ZNF618: variants seen among roughly 807,000 people sequenced by gnomAD.
ZNF618 encodes the protein neural precursor cell expressed, developmentally down-regulated 10.
In ZNF618, 34 loss-of-function variants were observed where a neutral mutation model predicts 103.0. The ratio of observed to expected loss-of-function variants is 0.33; its 90% CI spans 0.25 to 0.44. The LOEUF is 0.44. Among genes scored for constraint, ZNF618 ranks in the 20% least tolerant of loss-of-function variants. The probability of loss-of-function intolerance (pLI) is 1.00; values close to 1 mark genes in which losing one functional copy is unlikely to be tolerated. For synonymous variants in ZNF618, 551 were observed against 542.2 expected (o/e 1.02, Z -0.23); for missense variants, 1,059 against 1,295.4 (o/e 0.82, Z 2.80).
Position 114,051,922 on chromosome 9 carries a change from G to C in ZNF618, c.*1755G>C, listed in dbSNP as rs934205510. 3 of 152,286 alleles carry C rather than the reference G, an allele frequency of 2.0e-5. No individual in the cohort carries two copies. The highest frequency in any genetic ancestry group is 7.2e-5 in the African/African-American group (3 of 41,406). 9.4% of individuals were successfully genotyped at this position (152,286 alleles called of 1,614,324 possible). ...AAGTGCTGGTGGTCTCACTCCCCTGGTGACCCTTAGCCGTGGGATGGGGTG... is the reference window on the plus strand; with the variant it reads ...AAGTGCTGGTGGTCTCACTCCCCTGCTGACCCTTAGCCGTGGGATGGGGTG... On this transcript the variant is annotated 3_prime_UTR_variant, in exon 15 of 15. Transcript: ENST00000374126.
At chr9:113,980,270 G>C (rs57429121) in intron 2 of ZNF618, among the ~76,000 whole-genome samples, 4 of 152,228 alleles carry the variant, frequency 2.6e-5, no homozygotes, top group South Asian at 4.1e-4. Context: ...TTCCTCTCTT[G>C]GGAGAAGAGA....
chr9:113,908,463 G>T (rs7026176), intron 1 of ZNF618, among the ~76,000 whole-genome samples: 67,143 of 151,998 alleles, frequency 0.44, 15,409 homozygotes, highest in Non-Finnish European at 0.51. Flanking sequence ...GACTGCATTG[G>T]TGTAGACATG....
intron 1 of ZNF618, among the ~76,000 whole-genome samples, chr9:113,954,697 C>A (rs1836092766): frequency 6.6e-6 from 1 of 152,176 alleles, no homozygotes; most frequent in Non-Finnish European, 1.5e-5. Context: ...CAGTTCCATG[C>A]CTTCCTTTTC....
At chr9:113,967,823 G>T (rs1837557724) in intron 1 of ZNF618, among the ~76,000 whole-genome samples, 1 of 152,326 alleles carries the variant, frequency 6.6e-6, no homozygotes, top group South Asian at 2.1e-4. Flanking sequence ...GGAGGATGGA[G>T]GCTGTGGAGA....
At chr9:114,026,631 C>A (rs920342983) in intron 10 of ZNF618, among the ~76,000 whole-genome samples, 2 of 152,224 alleles carry the variant, frequency 1.3e-5, no homozygotes, top group African/African-American at 4.8e-5. Flanking sequence ...AGACTTGAGC[C>A]CTGTCTCATC....
intron 2 of ZNF618, 144 bp downstream of exon 2, chr9:113,969,304 T>TC: frequency 1.0e-6 from 1 of 996,856 alleles, no homozygotes; most frequent in Non-Finnish European, 1.6e-6. Context: ...TATCCAGACT[T>TC]CCCCAAAGAA....
rs553613500 is a variant in ZNF618, at chr9:113,985,276, C to T, written c.78-3045C>T. ...CCAACTTCCAAGTCTGGTGCTTGGCCCATTTCACTCCAGCCAGGCCATCAG... is the reference window on the plus strand; with the variant it reads ...CCAACTTCCAAGTCTGGTGCTTGGCTCATTTCACTCCAGCCAGGCCATCAG... On this transcript the variant is annotated intron_variant, in intron 2 of 14. Coordinates refer to ENST00000374126, the MANE Select transcript of ZNF618 (RefSeq NM_001318042.2). Among the ~76,000 whole-genome samples the T allele has an allele frequency of 3.3e-5, 5 of 152,318 alleles. No individual in the cohort carries two copies. The South Asian group carries it at 1.0e-3, about 32-fold the overall frequency.
chr9:114,027,332 A>G lies in ZNF618; in HGVS notation c.845-1401A>G, dbSNP rs575823655. Among the ~76,000 whole-genome samples, 146 of 152,092 alleles carry G rather than the reference A, an allele frequency of 9.6e-4. 2 individuals are homozygous for G. The highest frequency in any genetic ancestry group is 3.3e-3 in the South Asian group (16 of 4,800). On this transcript the variant is annotated intron_variant, in intron 10 of 14. Transcript: ENST00000374126. ...GTTTTCCGCAGACTGAGGCCTTGGGATTTGTTTCTGGGGCTGGGGCGGACA... is the reference window on the plus strand; with the variant it reads ...GTTTTCCGCAGACTGAGGCCTTGGGGTTTGTTTCTGGGGCTGGGGCGGACA...
At chr9:113,891,361 G>C (rs751449971) in intron 1 of ZNF618, among the ~76,000 whole-genome samples, 13 of 152,170 alleles carry the variant, frequency 8.5e-5, no homozygotes, top group Non-Finnish European at 1.5e-4. Context: ...TTTCTCCGAA[G>C]AAATATACAG....
chr9:113,951,423 G>GTGTGTATATATATATACACACATATA (rs1564206789), intron 1 of ZNF618, among the ~76,000 whole-genome samples: 229 of 4,458 alleles, frequency 0.051, 26 homozygotes, highest in African/African-American at 0.082. Flanking sequence ...ACACATATAT[G>GTGTGTATATATATATACACACATATA]TGTGTGTGTA....
chr9:113,951,559 G>GTA (rs1242686867), intron 1 of ZNF618, among the ~76,000 whole-genome samples: 742 of 36,000 alleles, frequency 0.021, 57 homozygotes, highest in Non-Finnish European at 0.023. Context: ...ATATGTGTGT[G>GTA]TATATGTGTG....
intron 1 of ZNF618, among the ~76,000 whole-genome samples, chr9:113,897,199 C>T (rs1830106107): frequency 6.6e-6 from 1 of 151,838 alleles, no homozygotes; most frequent in African/African-American, 2.4e-5. Context: ...ACAGTTTTTC[C>T]CCCTATGTAC....
intron 1 of ZNF618, among the ~76,000 whole-genome samples, chr9:113,908,706 A>G (rs1389398960): frequency 2.0e-5 from 3 of 152,072 alleles, no homozygotes; most frequent in Non-Finnish European, 2.9e-5. Flanking sequence ...ACCGCTGTGC[A>G]GAGTTATCTC....
chr9:114,048,609 A>G (rs1239442823), intron 14 of ZNF618, 42 bp from the exon 15 acceptor site: 21 of 1,569,378 alleles, frequency 1.3e-5, no homozygotes, highest in Non-Finnish European at 1.8e-5. Context: ...AGCAGCCTTG[A>G]ATGCCAGAAT....
chr9:113,907,090 A>C (rs1192679595), intron 1 of ZNF618, among the ~76,000 whole-genome samples: 1 of 152,202 alleles, frequency 6.6e-6, no homozygotes, highest in Non-Finnish European at 1.5e-5. Context: ...GAAGGCTCTC[A>C]TTGGCCCAAT....
chr9:113,918,350 C>T (rs1832316657), intron 1 of ZNF618, among the ~76,000 whole-genome samples: 1 of 152,148 alleles, frequency 6.6e-6, no homozygotes, highest in Non-Finnish European at 1.5e-5. Flanking sequence ...TTATTCTTTG[C>T]ATTAATAAGT....
In ZNF618 at chr9:113,988,573, G is replaced by T. The variant is rs779186290; in HGVS notation, c.330G>T (p.Gln110His). ...CVVIGGVRNQ[Q>H]TLDGKAPEGS... ...TGATCGGCGGCGTCCGCAACCAGCA[G>T]ACCCTTGGTGAGTGCCCAGCGTCTG... Residue 110 changes from glutamine (Q) to histidine (H), a missense_variant, in exon 3 of 15, where the codon CAG becomes CAT. Coordinates refer to ENST00000374126, the MANE Select transcript of ZNF618 (RefSeq NM_001318042.2). 1.9e-6 allele frequency: 3 copies of T among 1,605,742 alleles called. No homozygotes were observed. Among genetic ancestry groups the T allele is most frequent in the Non-Finnish European group, 2.5e-6 (3 of 1,178,058 alleles).
chr9:113,946,410 A>G (rs1175492368), intron 1 of ZNF618, among the ~76,000 whole-genome samples: 1 of 152,148 alleles, frequency 6.6e-6, no homozygotes, highest in African/African-American at 2.4e-5. Context: ...AAAAAAAAAA[A>G]AAAAAAGATG....
rs1373912577 is a variant in ZNF618, at chr9:113,973,206, G to A, written c.77+4046G>A. Reference sequence around the variant, plus strand: ...TTAGAGCTCATTTAATCCTTCTTCAGATGGAGAAATGAAGGGCCTGAAGTT... The same window carrying A: ...TTAGAGCTCATTTAATCCTTCTTCAAATGGAGAAATGAAGGGCCTGAAGTT... On this transcript the variant is annotated intron_variant, in intron 2 of 14. Coordinates refer to ENST00000374126, the MANE Select transcript of ZNF618 (RefSeq NM_001318042.2). Among the ~76,000 whole-genome samples the A allele has an allele frequency of 2.0e-5, 3 of 152,220 alleles. No homozygotes were observed. In the East Asian group the frequency reaches 5.8e-4, roughly 29 times the overall value.
Sources: allele counts gnomAD v4.1 joint callset (sites outside exome capture counted in the v4.1 genomes callset), GRCh38; gene constraint gnomAD v4.1.1; transcripts MANE v1.5; gene names NCBI Gene and HGNC (gene_info 2026-07-23, HGNC 2026-07-21).